The following WWC2 variants were observed in gnomAD, a reference collection of about 807,000 sequenced individuals.
WWC2 encodes the protein protein WWC2.
WWC2 carries 101 observed loss-of-function variants against 138.5 expected under a neutral mutation model. That is an observed-to-expected ratio of 0.73 (90% CI 0.62 to 0.86). WWC2 has a LOEUF of 0.86. Among genes scored for constraint, WWC2 ranks in the 40% least tolerant of loss-of-function variants. The probability of loss-of-function intolerance (pLI) is 0.00; values close to 1 mark genes in which losing one functional copy is unlikely to be tolerated. For missense variants in WWC2, 1,420 were observed against 1,419.4 expected (o/e 1.00, Z -0.01); for synonymous variants, 558 against 538.4 (o/e 1.04, Z -0.50).
intron 1 of WWC2, among the ~76,000 whole-genome samples, chr4:183,175,450 A>G (rs1319122497): frequency 1.3e-5 from 2 of 151,968 alleles, no homozygotes; most frequent in Non-Finnish European, 2.9e-5. Flanking sequence ...TTTTGTAGAG[A>G]TGGGGTTTTA....
intron 21 of WWC2, among the ~76,000 whole-genome samples, chr4:183,311,268 G>A (rs1246105991): frequency 6.6e-6 from 1 of 152,182 alleles, no homozygotes; most frequent in Admixed American, 6.5e-5. Flanking sequence ...ATTACTAACA[G>A]ATGATAAATT....
At chr4:183,266,058 A>G in intron 14 of WWC2, 107 bp downstream of exon 14, 1 of 1,032,724 alleles carries the variant, frequency 9.7e-7, no homozygotes. Context: ...CGGAAAAGAC[A>G]TAGCAGGGCT....
intron 1 of WWC2, among the ~76,000 whole-genome samples, chr4:183,119,997 A>T (rs1732549206): frequency 1.3e-5 from 2 of 152,234 alleles, no homozygotes; most frequent in African/African-American, 4.8e-5. Flanking sequence ...TTAAAAACCC[A>T]CAACGGAAAT....
intron 4 of WWC2, among the ~76,000 whole-genome samples, chr4:183,210,687 G>A (rs924367912): frequency 1.3e-5 from 2 of 152,164 alleles, no homozygotes; most frequent in African/African-American, 2.4e-5. Flanking sequence ...ATGCAAGCCC[G>A]TATCATAGGG....
intron 1 of WWC2, among the ~76,000 whole-genome samples, chr4:183,189,463 G>A (rs1396901020): frequency 6.6e-6 from 1 of 151,716 alleles, no homozygotes; most frequent in Admixed American, 6.6e-5. Flanking sequence ...GTTATTTCGA[G>A]GGAACTAATT....
Position 183,249,960 on chromosome 4 carries a change from G to C in WWC2, c.920G>C (p.Arg307Thr). Residue 307 changes from arginine (R) to threonine (T), a missense_variant, in exon 8 of 23, where the codon AGG becomes ACG. Transcript: ENST00000403733. Reference protein sequence around the residue: ...RSRSNLAEKVRLSLQYEEAKR... With the variant: ...RSRSNLAEKVTLSLQYEEAKR... ...AGATCAAATTTAGCTGAAAAGGTCAGGCTAAGCCTACAGTATGAAGAAGCC... is the reference window on the plus strand; with the variant it reads ...AGATCAAATTTAGCTGAAAAGGTCACGCTAAGCCTACAGTATGAAGAAGCC... The C allele has an allele frequency of 6.2e-7, 1 of 1,613,768 alleles. No individual in the cohort carries two copies. Among genetic ancestry groups the C allele is most frequent in the South Asian group, 1.1e-5 (1 of 91,010 alleles).
At chr4:183,246,050 G>A (rs1736771388) in intron 6 of WWC2, among the ~76,000 whole-genome samples, 1 of 152,176 alleles carries the variant, frequency 6.6e-6, no homozygotes, top group Admixed American at 6.5e-5. Context: ...CCAGCTGGGG[G>A]ATGCCTATAC....
intron 1 of WWC2, among the ~76,000 whole-genome samples, chr4:183,185,513 T>G (rs1287847834): frequency 6.6e-6 from 1 of 152,250 alleles, no homozygotes; most frequent in African/African-American, 2.4e-5. Flanking sequence ...CTGAAGTAAT[T>G]TAAGAGGCAC....
intron 1 of WWC2, among the ~76,000 whole-genome samples, chr4:183,099,927 C>G (rs920004136): frequency 6.6e-6 from 1 of 152,224 alleles, no homozygotes; most frequent in African/African-American, 2.4e-5. Context: ...TTAGGAACTT[C>G]CCTAGGCTTC....
intron 2 of WWC2, among the ~76,000 whole-genome samples, chr4:183,196,271 C>T (rs997697643): frequency 2.0e-5 from 3 of 152,146 alleles, no homozygotes; most frequent in Non-Finnish European, 4.4e-5. Context: ...GGGTCTAATA[C>T]ACCCTACAAA....
At position 183,249,919 on chromosome 4, in the gene WWC2, G is replaced by C; in HGVS notation, c.880-1G>C. 6.2e-7 allele frequency: 1 copy of C among 1,612,736 alleles called. No individual in the cohort carries two copies. The highest frequency in any genetic ancestry group is 8.5e-7 in the Non-Finnish European group (1 of 1,179,248). ...TTTTTTCCTTTTTCTTTTTCCACTA[G>C]ATTGGAGTAAGAAGTAGATCAAATT... On this transcript the variant is annotated splice_acceptor_variant, in intron 7 of 22. Coordinates refer to ENST00000403733, the MANE Select transcript of WWC2 (RefSeq NM_024949.6). LOFTEE classifies it high-confidence loss of function.
chr4:183,205,082 A>G (rs1354453212), intron 2 of WWC2, among the ~76,000 whole-genome samples: 1 of 152,182 alleles, frequency 6.6e-6, no homozygotes, highest in East Asian at 1.9e-4. Context: ...ACATATTTTC[A>G]TATCTCTTGG....
chr4:183,268,051 C>T (rs893534838), intron 14 of WWC2, among the ~76,000 whole-genome samples: 1 of 152,142 alleles, frequency 6.6e-6, no homozygotes, highest in Non-Finnish European at 1.5e-5. Context: ...GCTTCAGGCC[C>T]ACTAGGTTTT....
intron 16 of WWC2, among the ~76,000 whole-genome samples, chr4:183,279,597 A>C (rs902668390): frequency 1.3e-5 from 2 of 152,080 alleles, no homozygotes; most frequent in African/African-American, 2.4e-5. Context: ...CTGTGAATCC[A>C]TCTGGTCCTG....
At chr4:183,166,826 T>C (rs951035142) in intron 1 of WWC2, among the ~76,000 whole-genome samples, 1 of 152,092 alleles carries the variant, frequency 6.6e-6, no homozygotes, top group African/African-American at 2.4e-5. Context: ...GTCAAAACCT[T>C]ATTGGATAAA....
At position 183,291,923 on chromosome 4, in the gene WWC2, A is replaced by C. The variant is rs149499936; in HGVS notation, c.3384+2288A>C. Among the ~76,000 whole-genome samples, 317 of 152,186 alleles carry C rather than the reference A, an allele frequency of 2.1e-3. 1 individual carries two copies. Among genetic ancestry groups the C allele is most frequent in the African/African-American group, 7.0e-3 (290 of 41,540 alleles). On this transcript the variant is annotated intron_variant, in intron 21 of 22. Coordinates refer to ENST00000403733, the MANE Select transcript of WWC2 (RefSeq NM_024949.6). ...CTAATGAGGGACAGAACTACAGGTA[A>C]ATTTGAGATTTAAAAAATAATTACA...
chr4:183,245,463 A>G lies in WWC2; in HGVS notation c.650A>G (p.Glu217Gly). ...GGCCAGAGCGGGTATGAACTCAGTGAAGCCAAAGCCATTCTAACAGAACTA... is the reference window on the plus strand; with the variant it reads ...GGCCAGAGCGGGTATGAACTCAGTGGAGCCAAAGCCATTCTAACAGAACTA... ...SGGQSGYELS[E>G]AKAILTELKS... Residue 217 changes from glutamate (E) to glycine (G), a missense_variant, in exon 6 of 23, where the codon GAA becomes GGA. Coordinates refer to ENST00000403733, the MANE Select transcript of WWC2 (RefSeq NM_024949.6). 1.2e-6 allele frequency: 2 copies of G among 1,604,434 alleles called. No individual in the cohort carries two copies. The highest frequency in any genetic ancestry group is 1.1e-5 in the South Asian group (1 of 89,326).
intron 1 of WWC2, among the ~76,000 whole-genome samples, chr4:183,109,112 G>A (rs571470913): frequency 6.6e-6 from 1 of 152,268 alleles, no homozygotes; most frequent in Admixed American, 6.5e-5. Flanking sequence ...GCATAACCAT[G>A]TTTGTTGTTT....
chr4:183,142,117 T>G (rs1305098651), intron 1 of WWC2, among the ~76,000 whole-genome samples: 1 of 152,168 alleles, frequency 6.6e-6, no homozygotes, highest in Non-Finnish European at 1.5e-5. Context: ...CAGGGAAATA[T>G]TTGAGAAAAG....
Sources: gnomAD v4.1 joint callset for allele counts (sites outside exome capture counted in the v4.1 genomes callset) on GRCh38, gnomAD v4.1.1 for gene constraint, MANE v1.5 for transcripts, NCBI Gene and HGNC (gene_info 2026-07-23, HGNC 2026-07-21) for gene names.